The following GART variants were observed in gnomAD, a reference collection of about 807,000 sequenced individuals.
GART encodes the protein trifunctional purine biosynthetic protein adenosine-3.
In GART, 43 loss-of-function variants were observed where a neutral mutation model predicts 107.2. The ratio of observed to expected loss-of-function variants is 0.40; its 90% CI spans 0.31 to 0.52. GART has a LOEUF of 0.52. Among genes scored for constraint, GART ranks in the 20% least tolerant of loss-of-function variants. The probability of loss-of-function intolerance (pLI) is 0.52; values close to 1 mark genes in which losing one functional copy is unlikely to be tolerated. For missense variants in GART, 1,107 were observed against 1,206.5 expected (o/e 0.92, Z 1.22); for synonymous variants, 434 against 427.0 (o/e 1.02, Z -0.20).
Position 33,504,327 on chromosome 21 carries a change from A to G in GART, c.2842-12T>C. ...GCATCCACATCTTCCTGGAAAAGTA[A>G]GCAAAAGTTTTGAACATTACCTTCT... On this transcript the variant is annotated splice_polypyrimidine_tract_variant and intron_variant, in intron 21 of 21. Coordinates refer to ENST00000381815, the MANE Select transcript of GART (RefSeq NM_000819.5). 6.2e-7 allele frequency: 1 copy of G among 1,612,882 alleles called. No individual in the cohort carries two copies.
At chr21:33,541,708 G>A (rs889219400) in intron 1 of GART, among the ~76,000 whole-genome samples, 2 of 152,132 alleles carry the variant, frequency 1.3e-5, no homozygotes, top group Admixed American at 6.5e-5. Flanking sequence ...GGCAAATAAA[G>A]CCGTATCAGA....
At position 33,504,260 on chromosome 21, in the gene GART, C is replaced by T. The variant is rs1381039175; in HGVS notation, c.2897G>A (p.Gly966Asp). The change falls in exon 22 of 22, where the codon GGT becomes GAT. Residue 966 changes from glycine (G) to aspartate (D), a missense_variant. Coordinates refer to ENST00000381815, the MANE Select transcript of GART (RefSeq NM_000819.5). ...ILQEAVPVKR[G>D]DTVATLSERV... ...TTCAGAAAGAGTTGCGACAGTATCA[C>T]CCCTCTTCACGGGAACAGCTTCTTG... The T allele has an allele frequency of 3.1e-6, 5 of 1,614,226 alleles. No individual in the cohort carries two copies. The highest frequency in any genetic ancestry group is 2.2e-5 in the South Asian group (2 of 91,082).
At position 33,504,488 on chromosome 21, in the gene GART, AAAG is replaced by A; in HGVS notation, c.2762_2764del (p.Ser921del). Reference sequence around the variant, plus strand: ...TTGCTCATGGGCATTTGAACCCTTAAAAGAAGGGAGCAAGGATGGGTGGATATT... The same window carrying A: ...TTGCTCATGGGCATTTGAACCCTTAAAAGGGAGCAAGGATGGGTGGATATT... On this transcript the variant is annotated inframe_deletion, in exon 21 of 22. Transcript: ENST00000381815. 3 of 1,614,144 alleles carry A rather than the reference AAAG, an allele frequency of 1.9e-6. No individual in the cohort carries two copies. Among genetic ancestry groups the A allele is most frequent in the Non-Finnish European group, 2.5e-6 (3 of 1,180,002 alleles).
At chr21:33,542,793 G>A (rs1035903713), upstream of GART, 22 of 458,320 alleles carry the variant, frequency 4.8e-5, no homozygotes, top group African/African-American at 2.8e-4. Context: ...CAACTTATGC[G>A]GACACGGTCG....
chr21:33,542,196 GCGCGGCCCTGGGTCTC>G (rs1569042401), upstream of GART: 1 of 152,074 alleles, frequency 6.6e-6, no homozygotes, highest in Non-Finnish European at 1.5e-5. Flanking sequence ...CCATTGGTCC[GCGCGGCCCTGGGTCTC>G]CGCGGCGAGA....
chr21:33,517,508 G>A lies in GART; in HGVS notation c.1803C>T (p.His601=). The A allele has an allele frequency of 6.2e-7, 1 of 1,614,202 alleles. No individual in the cohort carries two copies. Among genetic ancestry groups the A allele is most frequent in the East Asian group, 2.2e-5 (1 of 44,884 alleles). The change falls in exon 15 of 22, where the codon CAC becomes CAT. Residue 601 remains histidine, a synonymous_variant. Coordinates refer to ENST00000381815, the MANE Select transcript of GART (RefSeq NM_000819.5). ...GAMERDQKLP[H]LERITEGDVV... is the part of the protein sequence containing the mutation. Reference sequence around the variant, plus strand: ...CATCACCCTCAGTGATTCTTTCCAGGTGAGGGAGTTTCTGATCTCGCTCCA... The same window carrying A: ...CATCACCCTCAGTGATTCTTTCCAGATGAGGGAGTTTCTGATCTCGCTCCA...
intron 4 of GART, among the ~76,000 whole-genome samples, chr21:33,533,231 A>G (rs982798152): frequency 2.6e-5 from 4 of 151,798 alleles, no homozygotes; most frequent in African/African-American, 9.7e-5. Context: ...CGAGGTCAGG[A>G]GATCGAGACC....
At chr21:33,525,090 T>C (rs1203987428) in intron 10 of GART, 90 bp from the exon 11 acceptor site, 4 of 1,463,772 alleles carry the variant, frequency 2.7e-6, no homozygotes, top group African/African-American at 2.9e-5. Context: ...GTTTCTTTTT[T>C]TTTTTTTTTA....
chr21:33,507,987 T>C (rs1421249609), intron 18 of GART, among the ~76,000 whole-genome samples: 1 of 152,176 alleles, frequency 6.6e-6, no homozygotes, highest in Non-Finnish European at 1.5e-5. Context: ...TCATGTACCC[T>C]ATAAATATAT....
chr21:33,503,940 T>TA lies in GART; in HGVS notation c.*183dup. On this transcript the variant is annotated 3_prime_UTR_variant, in exon 22 of 22. Transcript: ENST00000381815. ...GACCAAGAAAACTGTATGTCTCAGATATGCTGCACTAACTAGTCTTGTTTT... is the reference window on the plus strand; with the variant it reads ...GACCAAGAAAACTGTATGTCTCAGATAATGCTGCACTAACTAGTCTTGTTTT... 1 of 481,932 alleles carries TA rather than the reference T, an allele frequency of 2.1e-6. No individual in the cohort carries two copies. The highest frequency in any genetic ancestry group is 5.4e-5 in the South Asian group (1 of 18,522). The allele number at this position is 481,932 out of a possible 1,614,324, so 29.9% of individuals were successfully genotyped here.
intron 12 of GART, among the ~76,000 whole-genome samples, chr21:33,521,455 C>A (rs1274886516): frequency 2.0e-5 from 3 of 151,290 alleles, no homozygotes; most frequent in Non-Finnish European, 4.4e-5. Flanking sequence ...CACAGTGAAA[C>A]CCCGTCTCTA....
chr21:33,516,843 G>C (rs912945808), intron 16 of GART, 146 bp downstream of exon 16: 13 of 636,952 alleles, frequency 2.0e-5, no homozygotes, highest in Middle Eastern at 8.7e-4. Context: ...GATAGAAAAG[G>C]GTCGAGTTTT....
chr21:33,531,215 A>T (rs540471946), intron 6 of GART: 90 of 429,802 alleles, frequency 2.1e-4, no homozygotes, highest in Non-Finnish European at 1.0e-4. Context: ...AATAAACTGT[A>T]TATGAAAGAA....
intron 10 of GART, among the ~76,000 whole-genome samples, chr21:33,525,596 A>C (rs943674719): frequency 1.3e-5 from 2 of 152,026 alleles, no homozygotes; most frequent in African/African-American, 4.8e-5. Flanking sequence ...ACACCCAGCT[A>C]ATTTTTGTAT....
chr21:33,523,473 T>C (rs1247081772), intron 11 of GART, among the ~76,000 whole-genome samples: 2 of 152,252 alleles, frequency 1.3e-5, no homozygotes, highest in Admixed American at 1.3e-4. Context: ...CAATGGAATC[T>C]AGTCATTTTT....
intron 11 of GART, chr21:33,524,245 G>A (rs372664929): frequency 4.1e-6 from 4 of 985,436 alleles, no homozygotes; most frequent in African/African-American, 3.5e-5. Context: ...ATGTGATAAC[G>A]CAAGGAATAA....
rs1414451788 is a variant in GART, at chr21:33,505,626, A to G, written c.2660T>C (p.Ile887Thr). ...AIDLVLEEFS[I>T]DIVCLAGFMR... The stretch of plus-strand genomic sequence containing the variant: ...GAATCCTGCAAGACAGACTATGTCT[A>G]TGGAGAACTCTTCAAGGACTAGGTC... Residue 887 changes from isoleucine (I) to threonine (T), a missense_variant, in exon 20 of 22, where the codon ATA (isoleucine) becomes ACA (threonine). Transcript: ENST00000381815. The G allele has an allele frequency of 6.2e-7, 1 of 1,612,670 alleles. No individual in the cohort carries two copies. Among genetic ancestry groups the G allele is most frequent in the Admixed American group, 1.7e-5 (1 of 59,834 alleles).
At chr21:33,518,653 T>G in intron 14 of GART, 1 of 409,480 alleles carries the variant, frequency 2.4e-6, no homozygotes. Flanking sequence ...ATATTTTTTC[T>G]TCTTCAGAAG....
At chr21:33,517,793 A>T (rs550875473) in intron 14 of GART, among the ~76,000 whole-genome samples, 185 bp from the exon 15 acceptor site, 254 of 152,364 alleles carry the variant, frequency 1.7e-3, no homozygotes, top group African/African-American at 5.7e-3. Context: ...GAGAAATAGC[A>T]CTTGTTTCCA....
Sources: gnomAD v4.1 joint callset for allele counts (sites outside exome capture counted in the v4.1 genomes callset) on GRCh38, gnomAD v4.1.1 for gene constraint, MANE v1.5 for transcripts, NCBI Gene and HGNC (gene_info 2026-07-23, HGNC 2026-07-21) for gene names.